TRPM2: variants seen among roughly 807,000 people sequenced by gnomAD.
TRPM2 encodes the protein estrogen-responsive element-associated gene 1 protein.
TRPM2 carries 161 observed loss-of-function variants against 174.0 expected under a neutral mutation model. That is an observed-to-expected ratio of 0.93 (90% confidence interval 0.81 to 1.05). The LOEUF (loss-of-function observed/expected upper bound fraction) is 1.05, where lower values mean the gene tolerates loss of function less well. TRPM2 is among the 50% of genes least tolerant of loss of function. TRPM2 has a pLI of 0.00. For synonymous variants in TRPM2, 954 were observed against 861.3 expected (o/e 1.11, Z -1.88); for missense variants, 2,057 against 2,038.0 (o/e 1.01, Z -0.18).
Position 44,376,588 on chromosome 21 carries a change from C to G in TRPM2, c.952+575C>G, listed in dbSNP as rs1196433352. Reference sequence around the variant, plus strand: ...CTTGATCATGGTCTGCTCTCAGGTTCAGAAATCAGAATGTACGATAGTCAA... The same window carrying G: ...CTTGATCATGGTCTGCTCTCAGGTTGAGAAATCAGAATGTACGATAGTCAA... On this transcript the variant is annotated intron_variant, in intron 6 of 31. Coordinates refer to ENST00000397928, the MANE Select transcript of TRPM2 (RefSeq NM_003307.4). The surrounding 1 kb of genome is among the most constrained non-coding windows in gnomAD (Gnocchi z 4.2). Among the ~76,000 whole-genome samples the G allele has an allele frequency of 6.6e-6, 1 of 152,222 alleles. No individual in the cohort carries two copies. The highest frequency in any genetic ancestry group is 2.4e-5 in the African/African-American group (1 of 41,454).
At chr21:44,435,456 C>T (rs575245893) in intron 28 of TRPM2, among the ~76,000 whole-genome samples, 50 of 152,120 alleles carry the variant, frequency 3.3e-4, no homozygotes, top group Non-Finnish European at 4.7e-4. Flanking sequence ...TCCCCTCTCC[C>T]GGGGCTGCCT....
At chr21:44,369,111 T>A in intron 4 of TRPM2, 66 bp from the exon 5 acceptor site, 1 of 1,376,976 alleles carries the variant, frequency 7.3e-7, no homozygotes, top group South Asian at 1.4e-5. Flanking sequence ...GGCTCAGGCG[T>A]CAGGCTCCTG....
chr21:44,400,899 C>T (rs2049595378), intron 15 of TRPM2, among the ~76,000 whole-genome samples: 1 of 152,204 alleles, frequency 6.6e-6, no homozygotes, highest in Admixed American at 6.5e-5. Flanking sequence ...GTTGTGGGAT[C>T]TGCTGTGTTT....
chr21:44,381,140 A>G (rs941692365), intron 8 of TRPM2, among the ~76,000 whole-genome samples: 3 of 151,824 alleles, frequency 2.0e-5, no homozygotes, highest in Non-Finnish European at 2.9e-5. Flanking sequence ...GAGTGTGAGG[A>G]GCCCTCCAGG....
In TRPM2 at chr21:44,395,491, C is replaced by A. The variant is rs145284374; in HGVS notation, c.1872C>A (p.Asp624Glu). 3.7e-6 allele frequency: 6 copies of A among 1,612,960 alleles called. No homozygotes were observed. In the East Asian group the frequency reaches 1.3e-4, roughly 36 times the overall value. Residue 624 changes from aspartate (D) to glutamate (E), a missense_variant, in exon 12 of 32, where the codon GAC becomes GAA. Transcript: ENST00000397928. ...HVTFTMDPIRDLLIWAIVQNR... is the reference protein window; with the variant it reads ...HVTFTMDPIRELLIWAIVQNR... ...CCTTCACCATGGACCCCATCCGTGA[C>A]CTTCTCATTTGGGCCATTGTCCAGA...
chr21:44,375,758 C>A (rs879025311), intron 5 of TRPM2, 75 bp from the exon 6 acceptor site: 1 of 1,491,598 alleles, frequency 6.7e-7, no homozygotes, highest in Non-Finnish European at 9.0e-7. Context: ...TCTGTGAGGG[C>A]CGGTGTTCAG....
At chr21:44,378,527 C>G (rs1240881591) in intron 7 of TRPM2, among the ~76,000 whole-genome samples, 1 of 152,130 alleles carries the variant, frequency 6.6e-6, no homozygotes, top group East Asian at 1.9e-4. Context: ...CGGCTGCACC[C>G]GCCTCCTTAC....
rs776157534 is a variant in TRPM2 at position 44,354,698 on chromosome 21, C to G, written c.216C>G (p.Cys72Trp). Reference sequence around the variant, plus strand: ...CTGAAAACATCAAGAAGAAAGAATGCGTGTATTTTGTGGAAAGTTCCAAAC... The same window carrying G: ...CTGAAAACATCAAGAAGAAAGAATGGGTGTATTTTGTGGAAAGTTCCAAAC... ...WIPENIKKKECVYFVESSKLS... is the reference protein window; with the variant it reads ...WIPENIKKKEWVYFVESSKLS... Residue 72 changes from cysteine to tryptophan, a missense_variant, in exon 2 of 32, where the codon TGC becomes TGG. Cys to Trp is a radical substitution (Grantham distance 215). Coordinates refer to ENST00000397928, the MANE Select transcript of TRPM2 (RefSeq NM_003307.4). The surrounding 1 kb of genome is among the most constrained non-coding windows in gnomAD (Gnocchi z 4.3). 1 of 1,614,032 alleles carries G rather than the reference C, an allele frequency of 6.2e-7. No individual in the cohort carries two copies. The highest frequency in any genetic ancestry group is 8.5e-7 in the Non-Finnish European group (1 of 1,180,032).
chr21:44,390,784 C>A, intron 9 of TRPM2, 120 bp from the exon 10 acceptor site: 1 of 1,389,420 alleles, frequency 7.2e-7, no homozygotes, highest in Non-Finnish European at 9.9e-7. Context: ...CTGCGCCTGT[C>A]ACTTTGAATT....
chr21:44,384,241 G>A (rs1447173874), intron 9 of TRPM2, among the ~76,000 whole-genome samples: 1 of 152,222 alleles, frequency 6.6e-6, no homozygotes, highest in African/African-American at 2.4e-5. Flanking sequence ...GGATAACCTA[G>A]ATGTGTTAGT....
At chr21:44,425,864 C>G (rs543297817) in intron 25 of TRPM2, 37 bp downstream of exon 25, 21 of 1,504,004 alleles carry the variant, frequency 1.4e-5, no homozygotes, top group Non-Finnish European at 1.8e-5. Flanking sequence ...GCGGAGTGGC[C>G]GGGCCCCTGG....
chr21:44,404,313 C>CATACACAT (rs2049777114), intron 16 of TRPM2, among the ~76,000 whole-genome samples: 1 of 152,082 alleles, frequency 6.6e-6, no homozygotes, highest in South Asian at 2.1e-4. Context: ...CATACATGCA[C>CATACACAT]ATACACATAT....
At chr21:44,365,607 C>T (rs982742694) in intron 3 of TRPM2, among the ~76,000 whole-genome samples, 10 of 152,124 alleles carry the variant, frequency 6.6e-5, no homozygotes, top group Non-Finnish European at 1.5e-4. Flanking sequence ...CCACCGTGGC[C>T]GTGGCAGTGG....
At chr21:44,370,787 C>T (rs956339873) in intron 5 of TRPM2, among the ~76,000 whole-genome samples, 6 of 152,204 alleles carry the variant, frequency 3.9e-5, no homozygotes, top group South Asian at 2.1e-4. Context: ...GCTCTTTTTA[C>T]GAATTGAAAA....
At position 44,399,725 on chromosome 21, in the gene TRPM2, G is replaced by A. The variant is rs1180482257; in HGVS notation, c.2208+284G>A. Among the ~76,000 whole-genome samples, 8 of 152,182 alleles carry A rather than the reference G, an allele frequency of 5.3e-5. No individual in the cohort carries two copies. Among genetic ancestry groups the A allele is most frequent in the South Asian group, 2.1e-4 (1 of 4,832 alleles). On this transcript the variant is annotated intron_variant, in intron 14 of 31. Coordinates refer to ENST00000397928, the MANE Select transcript of TRPM2 (RefSeq NM_003307.4). This position sits in a 1 kb window ranked among gnomAD's most constrained non-coding sequence, Gnocchi z 4.6. Reference sequence around the variant, plus strand: ...CCTGGGAGCGGCAGGCAGAAGCCCAGGTGGCTCTGGGAACGGCGTCTGCCC... The same window carrying A: ...CCTGGGAGCGGCAGGCAGAAGCCCAAGTGGCTCTGGGAACGGCGTCTGCCC...
At chr21:44,434,305 G>T (rs527815063) in intron 27 of TRPM2, among the ~76,000 whole-genome samples, 232 of 151,406 alleles carry the variant, frequency 1.5e-3, no homozygotes, top group Middle Eastern at 0.01. Context: ...GGATGGTGAC[G>T]GAGACTGTGG....
intron 27 of TRPM2, among the ~76,000 whole-genome samples, chr21:44,434,879 C>T (rs559704186): frequency 1.3e-5 from 2 of 152,230 alleles, no homozygotes; most frequent in East Asian, 1.9e-4. Context: ...CTGCAGTGGC[C>T]GGACTTCTGC....
At chr21:44,372,971 T>G (rs945838446) in intron 5 of TRPM2, among the ~76,000 whole-genome samples, 1 of 152,144 alleles carries the variant, frequency 6.6e-6, no homozygotes, top group African/African-American at 2.4e-5. Flanking sequence ...AAATTTGCAG[T>G]GTTGTTGTTG....
chr21:44,359,385 G>A (rs1288853720), intron 2 of TRPM2, among the ~76,000 whole-genome samples: 2 of 152,074 alleles, frequency 1.3e-5, no homozygotes, highest in African/African-American at 4.8e-5. Flanking sequence ...CCTTGAGCGT[G>A]ACCTTAGGGG....
Sources: allele counts gnomAD v4.1 joint callset (sites outside exome capture counted in the v4.1 genomes callset), GRCh38; gene constraint gnomAD v4.1.1; non-coding constraint Gnocchi (gnomAD v3.1); transcripts MANE v1.5; gene names NCBI Gene and HGNC (gene_info 2026-07-23, HGNC 2026-07-21).